COL14A1: variants seen among roughly 807,000 people sequenced by gnomAD.
COL14A1 encodes the protein collagen alpha-1(XIV) chain.
Under a neutral mutation model 230.3 loss-of-function variants are expected in COL14A1, and 136 were observed. That is an observed-to-expected ratio of 0.59 (90% CI 0.51 to 0.68). The LOEUF is 0.68. Among genes scored for constraint, COL14A1 ranks in the 30% least tolerant of loss-of-function variants. COL14A1 has a pLI of 0.00. For missense variants in COL14A1, 1,976 were observed against 2,215.8 expected (o/e 0.89, Z 2.17); for synonymous variants, 792 against 784.1 (o/e 1.01, Z -0.17).
chr8:120,128,284 T>C (rs1369293892), intron 1 of COL14A1, among the ~76,000 whole-genome samples: 1 of 151,926 alleles, frequency 6.6e-6, no homozygotes, highest in Non-Finnish European at 1.5e-5. Flanking sequence ...GCATATTTTT[T>C]GAGTACTTAC....
At chr8:120,155,946 CTCTT>C (rs1270676665) in intron 2 of COL14A1, among the ~76,000 whole-genome samples, 33 of 152,260 alleles carry the variant, frequency 2.2e-4, no homozygotes, top group Admixed American at 2.2e-3. Context: ...GAAATGTAAA[CTCTT>C]TCTTCCATTC....
At chr8:120,178,829 T>G (rs1316420415) in intron 5 of COL14A1, among the ~76,000 whole-genome samples, 1 of 152,220 alleles carries the variant, frequency 6.6e-6, no homozygotes, top group African/African-American at 2.4e-5. Flanking sequence ...TAATGACCAA[T>G]GATGATGAGC....
intron 45 of COL14A1, among the ~76,000 whole-genome samples, chr8:120,364,235 T>A (rs1233565503): frequency 6.6e-6 from 1 of 152,140 alleles, no homozygotes; most frequent in East Asian, 1.9e-4. Context: ...TATAAAAAAA[T>A]GACTTTATAC....
chr8:120,369,728 T>C (rs552187700), intron 47 of COL14A1, among the ~76,000 whole-genome samples: 3 of 152,306 alleles, frequency 2.0e-5, no homozygotes, highest in South Asian at 4.1e-4. Flanking sequence ...AAGTCTTCCT[T>C]GCTTCCCAGT....
At chr8:120,156,933 T>G (rs1472961139) in intron 2 of COL14A1, among the ~76,000 whole-genome samples, 1 of 152,222 alleles carries the variant, frequency 6.6e-6, no homozygotes, top group Non-Finnish European at 1.5e-5. Context: ...CTGTACACTC[T>G]GTTTTTTAAA....
chr8:120,200,254 T>G lies in COL14A1; in HGVS notation c.877+688T>G, dbSNP rs548503077. 3.6e-3 allele frequency among the ~76,000 whole-genome samples: 545 copies of G among 152,176 alleles called. 2 individuals are homozygous for G. The highest frequency in any genetic ancestry group is 0.012 in the African/African-American group (510 of 41,508). On this transcript the variant is annotated intron_variant, in intron 8 of 47. Coordinates refer to ENST00000297848, the MANE Select transcript of COL14A1 (RefSeq NM_021110.4). ...AAACCAAAATATAACAGCGAATTCC[T>G]TAATAGGGCTCTGAAGACATTTGAA... is the stretch of plus-strand genomic sequence containing the variant.
chr8:120,148,023 G>T, intron 2 of COL14A1, 93 bp downstream of exon 2: 6 of 922,924 alleles, frequency 6.5e-6, no homozygotes, highest in South Asian at 6.4e-5. Flanking sequence ...ACAATATGTC[G>T]GCTTTTACTG....
At chr8:120,174,550 A>T (rs1360080344) in intron 5 of COL14A1, among the ~76,000 whole-genome samples, 1 of 152,190 alleles carries the variant, frequency 6.6e-6, no homozygotes, top group Non-Finnish European at 1.5e-5. Context: ...GAAGATTCAT[A>T]AGCAGTCCAT....
At chr8:120,273,033 A>G (rs908010175) in intron 26 of COL14A1, among the ~76,000 whole-genome samples, 29 of 151,922 alleles carry the variant, frequency 1.9e-4, no homozygotes, top group African/African-American at 5.8e-4. Flanking sequence ...AAGCTAGACC[A>G]TGATAGGCCA....
chr8:120,300,789 G>A lies in COL14A1; in HGVS notation c.4372G>A (p.Glu1458Lys). ...PHSCSCSETN[E>K]VALGPAGPPG... Reference sequence around the variant, plus strand: ...TTCCTGCTCCTGTTCTGAAACCAATGAAGTGGCTCTGGGACCAGCGGGCCC... The same window carrying A: ...TTCCTGCTCCTGTTCTGAAACCAATAAAGTGGCTCTGGGACCAGCGGGCCC... The change falls in exon 36 of 48, where the codon GAA (glutamate) becomes AAA (lysine). Residue 1458 changes from glutamate (E) to lysine (K), a missense_variant. Coordinates refer to ENST00000297848, the MANE Select transcript of COL14A1 (RefSeq NM_021110.4). 1.9e-6 allele frequency: 3 copies of A among 1,613,654 alleles called. No homozygotes were observed. The highest frequency in any genetic ancestry group is 2.5e-6 in the Non-Finnish European group (3 of 1,179,674).
intron 14 of COL14A1, among the ~76,000 whole-genome samples, chr8:120,222,377 A>G (rs1350203069): frequency 6.6e-6 from 1 of 152,248 alleles, no homozygotes; most frequent in Non-Finnish European, 1.5e-5. Context: ...GCCTAGGAGC[A>G]TGCAGCTTGG....
Position 120,158,146 on chromosome 8 carries a change from G to T in COL14A1, c.105G>T (p.Arg35Ser). ...CCTTTTCAGTGGCTCCACCCACAAG[G>T]TTAAGATATAATGTAATATCTCATG... ...IVQGQVAPPT[R>S]LRYNVISHDS... Residue 35 changes from arginine (R) to serine (S), a missense_variant, in exon 3 of 48, where the codon AGG becomes AGT. Arg to Ser is a moderately radical substitution (Grantham distance 110, BLOSUM62 -1). Around this residue, in one of 3 missense-constraint regions of COL14A1, gnomAD observed 181 missense variants for 178.6 expected, o/e 1.01. Coordinates refer to ENST00000297848, the MANE Select transcript of COL14A1 (RefSeq NM_021110.4). 6.3e-7 allele frequency: 1 copy of T among 1,584,378 alleles called. No homozygotes were observed. The highest frequency in any genetic ancestry group is 8.6e-7 in the Non-Finnish European group (1 of 1,161,756).
At chr8:120,338,101 C>G (rs543240976) in intron 42 of COL14A1, among the ~76,000 whole-genome samples, 2 of 151,876 alleles carry the variant, frequency 1.3e-5, no homozygotes, top group South Asian at 4.2e-4. Context: ...CATTTTCAAA[C>G]AAGCCAGTTT....
chr8:120,370,209 AT>A (rs1230505515), intron 47 of COL14A1: 1 of 953,248 alleles, frequency 1.0e-6, no homozygotes, highest in Non-Finnish European at 1.6e-6. Context: ...TGGGTTTAAA[AT>A]TTTCTGCTTC....
chr8:120,213,608 A>G (rs1359829462), intron 13 of COL14A1, among the ~76,000 whole-genome samples: 1 of 152,216 alleles, frequency 6.6e-6, no homozygotes, highest in Admixed American at 6.5e-5. Flanking sequence ...ATCATGCTAG[A>G]AAGCATCCAC....
chr8:120,343,362 G>A (rs1482315631), intron 44 of COL14A1, among the ~76,000 whole-genome samples: 1 of 152,136 alleles, frequency 6.6e-6, no homozygotes, highest in African/African-American at 2.4e-5. Context: ...CATTACCCAG[G>A]TGGGTACCTC....
chr8:120,295,793 C>G (rs1341019356), intron 34 of COL14A1, among the ~76,000 whole-genome samples: 2 of 151,758 alleles, frequency 1.3e-5, no homozygotes, highest in African/African-American at 2.4e-5. Context: ...TGAATAGGTA[C>G]TATTATTATG....
intron 45 of COL14A1, among the ~76,000 whole-genome samples, chr8:120,361,099 A>G (rs1230165428): frequency 6.6e-6 from 1 of 152,058 alleles, no homozygotes; most frequent in Non-Finnish European, 1.5e-5. Flanking sequence ...TCCTACAGGT[A>G]ATAGTGGCTC....
intron 5 of COL14A1, among the ~76,000 whole-genome samples, chr8:120,175,499 T>A (rs1816251708): frequency 6.6e-6 from 1 of 152,172 alleles, no homozygotes; most frequent in African/African-American, 2.4e-5. Flanking sequence ...GGGGTGACTC[T>A]CAGTGTTCTC....
Sources: gnomAD v4.1 joint callset for allele counts (sites outside exome capture counted in the v4.1 genomes callset) on GRCh38, gnomAD v4.1.1 for gene constraint, gnomAD v4.1.1 regional missense constraint, MANE v1.5 for transcripts, NCBI Gene and HGNC (gene_info 2026-07-23, HGNC 2026-07-21) for gene names.